Variants in PTPRG observed in about 807,000 individuals in gnomAD.
PTPRG encodes the protein protein tyrosine phosphatase receptor type G, also known as receptor-type tyrosine-protein phosphatase gamma.
A neutral mutation model predicts 165.3 loss-of-function variants in PTPRG; 102 were observed. That is an observed-to-expected ratio of 0.62 (90% CI 0.53 to 0.73). PTPRG has a LOEUF of 0.73. Ranked by LOEUF, PTPRG falls within the 30% of genes least tolerant of loss-of-function variation. The pLI, the probability that PTPRG is intolerant of heterozygous loss-of-function variation, is 0.00. For synonymous variants in PTPRG, 675 were observed against 669.5 expected, an observed-to-expected ratio of 1.01 and a Z score of -0.13; for missense variants, 1,866 against 1,861.4, an observed-to-expected ratio of 1.00 and a Z score of -0.05.
chr3:62,028,868 A>G (rs1699668020), intron 4 of PTPRG, among the ~76,000 whole-genome samples: 1 of 152,204 alleles, frequency 6.6e-6, no homozygotes, highest in East Asian at 1.9e-4. Context: ...GGTGTCATAT[A>G]GTCTGGTTCC....
At chr3:62,006,635 T>C (rs943881567) in intron 4 of PTPRG, among the ~76,000 whole-genome samples, 1 of 152,194 alleles carries the variant, frequency 6.6e-6, no homozygotes, top group African/African-American at 2.4e-5. Context: ...TTGTTGAAGA[T>C]TGTACTAGGA....
chr3:61,744,121 A>G (rs573654098), intron 1 of PTPRG, among the ~76,000 whole-genome samples: 9 of 152,258 alleles, frequency 5.9e-5, no homozygotes, highest in African/African-American at 2.2e-4. Flanking sequence ...GACTGTTTCT[A>G]TTTGCAAATC....
Position 61,891,698 on chromosome 3 carries a change from T to C in PTPRG, c.191-97927T>C, listed in dbSNP as rs113888100. ...GGCTAGTTTTAAACTAGAAAACGCA[T>C]TTTAATCTAAAGAGAGGCAAAGTGT... On this transcript the variant is annotated intron_variant, in intron 2 of 29. Coordinates refer to ENST00000474889, the MANE Select transcript of PTPRG (RefSeq NM_002841.4). Among the ~76,000 whole-genome samples the C allele has an allele frequency of 4.3e-3, 651 of 152,316 alleles. 2 individuals carry two copies. Among genetic ancestry groups the C allele is most frequent in the African/African-American group, 0.015 (631 of 41,566 alleles).
intron 2 of PTPRG, among the ~76,000 whole-genome samples, chr3:61,959,971 T>C (rs2040114166): frequency 1.3e-5 from 2 of 152,190 alleles, no homozygotes; most frequent in South Asian, 4.1e-4. Context: ...CAGCTTCTGT[T>C]CATGCTGTTC....
intron 2 of PTPRG, among the ~76,000 whole-genome samples, chr3:61,960,552 A>T (rs1463335638): frequency 2.0e-5 from 3 of 152,252 alleles, no homozygotes; most frequent in African/African-American, 4.8e-5. Context: ...GATCAATGGG[A>T]TCTGTCTTGG....
At chr3:61,734,170 A>G (rs2032629138) in intron 1 of PTPRG, among the ~76,000 whole-genome samples, 1 of 152,240 alleles carries the variant, frequency 6.6e-6, no homozygotes, top group African/African-American at 2.4e-5. Context: ...AATGCATTTT[A>G]CAAAGTGCTT....
intron 1 of PTPRG, among the ~76,000 whole-genome samples, chr3:61,746,231 T>TTTTTTTTTTC (rs2033199598): frequency 1.4e-5 from 1 of 72,840 alleles, no homozygotes; most frequent in African/African-American, 4.9e-5. Context: ...TTTTTTTTTT[T>TTTTTTTTTTC]TTTTTGAGAC....
intron 1 of PTPRG, among the ~76,000 whole-genome samples, chr3:61,581,214 G>T (rs1700285991): frequency 6.6e-6 from 1 of 152,180 alleles, no homozygotes; most frequent in South Asian, 2.1e-4. Flanking sequence ...AGGAGGCGTT[G>T]TAAATCTAGT....
At chr3:62,005,892 A>G (rs1353230116) in intron 4 of PTPRG, among the ~76,000 whole-genome samples, 1 of 151,698 alleles carries the variant, frequency 6.6e-6, no homozygotes, top group East Asian at 1.9e-4. Flanking sequence ...TAGTAGAGAC[A>G]AGGTTTTACC....
At chr3:62,106,876 T>A (rs1260286270) in intron 5 of PTPRG, among the ~76,000 whole-genome samples, 1 of 152,222 alleles carries the variant, frequency 6.6e-6, no homozygotes, top group Non-Finnish European at 1.5e-5. Flanking sequence ...ATATCCAGTC[T>A]CCTTTCTAAG....
At position 61,567,665 on chromosome 3, in the gene PTPRG, CA is replaced by C. The variant is rs35299199; in HGVS notation, c.85+5311del. ...TGAGTGACACAGTGAGACCCTGTCT[CA>C]AAAAAAAAAAAAAAAAATTAAAAGA... On this transcript the variant is annotated intron_variant, in intron 1 of 29. Coordinates refer to ENST00000474889, the MANE Select transcript of PTPRG (RefSeq NM_002841.4). 9.8e-4 allele frequency among the ~76,000 whole-genome samples: 109 copies of C among 111,446 alleles called. 1 individual carries two copies. The highest frequency in any genetic ancestry group is 2.4e-3 in the Admixed American group (25 of 10,220). 73.1% of individuals were successfully genotyped at this position (111,446 alleles called of 152,430 possible).
chr3:62,135,479 T>G (rs1339139014), intron 6 of PTPRG, among the ~76,000 whole-genome samples: 1 of 152,144 alleles, frequency 6.6e-6, no homozygotes, highest in Non-Finnish European at 1.5e-5. Flanking sequence ...CAGAAATGAC[T>G]TTTATTTCTT....
chr3:62,227,258 G>A (rs1209108592), intron 13 of PTPRG, among the ~76,000 whole-genome samples: 4 of 152,134 alleles, frequency 2.6e-5, no homozygotes, highest in Admixed American at 2.0e-4. Flanking sequence ...TCTAGCGGCC[G>A]ACACTTCCAG....
rs139425013 is a variant in PTPRG, at chr3:61,781,640, A to G, written c.190+32658A>G. ...CAACAAATATTTTGCTTTTATCAGT[A>G]TGATAATACTATTCAGCTCTGAATG... On this transcript the variant is annotated intron_variant, in intron 2 of 29. Coordinates refer to ENST00000474889, the MANE Select transcript of PTPRG (RefSeq NM_002841.4). 4.9e-3 allele frequency among the ~76,000 whole-genome samples: 753 copies of G among 152,328 alleles called. 5 individuals carry two copies. Among genetic ancestry groups the G allele is most frequent in the Non-Finnish European group, 7.5e-3 (509 of 68,024 alleles).
At chr3:61,595,681 T>A (rs1700684711) in intron 1 of PTPRG, among the ~76,000 whole-genome samples, 1 of 152,256 alleles carries the variant, frequency 6.6e-6, no homozygotes, top group African/African-American at 2.4e-5. Context: ...TCAGTGGGAC[T>A]GTCTAATATT....
intron 2 of PTPRG, among the ~76,000 whole-genome samples, chr3:61,813,706 C>A (rs2035666258): frequency 6.6e-6 from 1 of 151,720 alleles, no homozygotes; most frequent in Non-Finnish European, 1.5e-5. Flanking sequence ...CTTGGCTCTT[C>A]CATGGAACAT....
chr3:61,995,690 T>TCCTTCCTA (rs2041021281), intron 3 of PTPRG, among the ~76,000 whole-genome samples: 1 of 55,118 alleles, frequency 1.8e-5, no homozygotes, highest in Admixed American at 1.8e-4. Flanking sequence ...CCGCCTTCCT[T>TCCTTCCTA]CCTTCCTTCC....
chr3:61,691,005 A>T (rs962116647), intron 1 of PTPRG, among the ~76,000 whole-genome samples: 3 of 152,210 alleles, frequency 2.0e-5, no homozygotes, highest in African/African-American at 7.2e-5. Context: ...AGAATCCTTC[A>T]ATAGAGGAAA....
At chr3:61,742,317 C>G in intron 1 of PTPRG, 1 of 589,340 alleles carries the variant, frequency 1.7e-6, no homozygotes. Flanking sequence ...AAATGAGGCA[C>G]GTAGGAAACA....
Sources: gnomAD v4.1 joint callset for allele counts (sites outside exome capture counted in the v4.1 genomes callset) on GRCh38, gnomAD v4.1.1 for gene constraint, MANE v1.5 for transcripts, NCBI Gene and HGNC (gene_info 2026-07-23, HGNC 2026-07-21) for gene names.